CCDC73: variants seen among roughly 807,000 people sequenced by gnomAD.
CCDC73 encodes the protein coiled-coil domain containing 73, also known as coiled-coil domain-containing protein 73.
A neutral mutation model predicts 116.5 loss-of-function variants in CCDC73; 95 were observed. The ratio of observed to expected loss-of-function variants is 0.82; its 90% confidence interval spans 0.69 to 0.97. The LOEUF is 0.97. Ranked by LOEUF, CCDC73 falls within the 50% of genes least tolerant of loss-of-function variation. The probability of loss-of-function intolerance (pLI) is 0.00; values close to 1 mark genes in which losing one functional copy is unlikely to be tolerated. For synonymous variants in CCDC73, 398 were observed against 401.3 expected (o/e 0.99, Z 0.10); for missense variants, 1,066 against 1,206.8 (o/e 0.88, Z 1.73).
At chr11:32,827,390 C>G in the CCDC73 span, among the ~76,000 whole-genome samples, 1 of 152,152 alleles carries the variant, frequency 6.6e-6, no homozygotes, top group Non-Finnish European at 1.5e-5. Flanking sequence ...GGGAAACACA[C>G]AGGGATGTAA....
At chr11:32,643,287 A>T (rs115492863) in intron 12 of CCDC73, among the ~76,000 whole-genome samples, 2,267 of 152,182 alleles carry the variant, frequency 0.015, 60 homozygotes, top group African/African-American at 0.051. Context: ...TACCCAGTGA[A>T]TATCTATTTT....
intron 9 of CCDC73, among the ~76,000 whole-genome samples, chr11:32,665,382 T>C (rs919889359): frequency 2.6e-5 from 4 of 152,224 alleles, no homozygotes; most frequent in African/African-American, 9.6e-5. Context: ...TTAGCTCTTC[T>C]TGTTGAATTG....
At chr11:32,670,691 CTCT>C (rs1375168452) in intron 9 of CCDC73, among the ~76,000 whole-genome samples, 1 of 151,942 alleles carries the variant, frequency 6.6e-6, no homozygotes, top group African/African-American at 2.4e-5. Context: ...AAGTTTTTTC[CTCT>C]TCAAGATTAC....
intron 9 of CCDC73, among the ~76,000 whole-genome samples, chr11:32,668,543 CAA>C (rs5790892): frequency 3.3e-5 from 5 of 151,108 alleles, no homozygotes; most frequent in Non-Finnish European, 4.4e-5. Flanking sequence ...AAGTAAATGG[CAA>C]AAAAAAATAC....
chr11:32,741,886 C>A (rs1376867611), intron 2 of CCDC73, among the ~76,000 whole-genome samples: 1 of 151,632 alleles, frequency 6.6e-6, no homozygotes, highest in East Asian at 1.9e-4. Flanking sequence ...TCTACCCCCA[C>A]TTATGAGTGA....
chr11:32,737,789 T>C (rs569112689), intron 2 of CCDC73, among the ~76,000 whole-genome samples: 203 of 151,046 alleles, frequency 1.3e-3, no homozygotes, highest in Middle Eastern at 3.4e-3. Flanking sequence ...TCTTATTCAG[T>C]CTTATTTTTT....
intron 17 of CCDC73, among the ~76,000 whole-genome samples, chr11:32,608,694 T>C (rs1855385344): frequency 1.3e-5 from 2 of 152,214 alleles, no homozygotes; most frequent in Admixed American, 1.3e-4. Flanking sequence ...CACATTTCTC[T>C]TCCACATTGC....
chr11:32,632,928 TAGAAGAAA>T (rs1306593490), intron 14 of CCDC73, among the ~76,000 whole-genome samples: 1 of 152,136 alleles, frequency 6.6e-6, no homozygotes, highest in East Asian at 1.9e-4. Context: ...CTTAAGCAGC[TAGAAGAAA>T]ACCAAATTAA....
At chr11:32,787,829 T>C (rs148376831) in intron 1 of CCDC73, among the ~76,000 whole-genome samples, 1 of 152,292 alleles carries the variant, frequency 6.6e-6, no homozygotes, top group East Asian at 1.9e-4. Context: ...ACATGAATTA[T>C]ATGATCTGGG....
At chr11:32,632,610 G>T (rs1364552475) in intron 14 of CCDC73, among the ~76,000 whole-genome samples, 1 of 152,084 alleles carries the variant, frequency 6.6e-6, no homozygotes, top group Non-Finnish European at 1.5e-5. Flanking sequence ...GATTGTGTGT[G>T]TGTGTGTGTA....
intron 2 of CCDC73, chr11:32,758,688 GA>G (rs1470277403): frequency 4.4e-6 from 1 of 225,840 alleles, no homozygotes; most frequent in Non-Finnish European, 9.1e-6. Flanking sequence ...AAATTTTTCA[GA>G]AAATTTTTAA....
chr11:32,667,864 G>T (rs1856001009), intron 9 of CCDC73, among the ~76,000 whole-genome samples: 1 of 152,140 alleles, frequency 6.6e-6, no homozygotes, highest in Non-Finnish European at 1.5e-5. Context: ...ATACAGGAGA[G>T]AAAAAACTTA....
intron 7 of CCDC73, among the ~76,000 whole-genome samples, chr11:32,676,322 C>T (rs1029843553): frequency 6.6e-6 from 1 of 152,090 alleles, no homozygotes; most frequent in Non-Finnish European, 1.5e-5. Context: ...GTTAATCAGC[C>T]TAACACTAAG....
rs1856079882 is a variant in CCDC73 at position 32,675,618 on chromosome 11, TTTTG to T, written c.588_591del (p.Asn196LysfsTer6). The T allele has an allele frequency of 6.3e-7, 1 of 1,593,556 alleles. No homozygotes were observed. Among genetic ancestry groups the T allele is most frequent in the South Asian group, 1.2e-5 (1 of 86,780 alleles). ...TGTTTTTTATTTAAAGCTGAAAGTC[TTTTG>T]TTTGATTGTATTGCTTCCCGTACTG... is the stretch of plus-strand genomic sequence containing the variant. On this transcript the variant is annotated frameshift_variant, in exon 9 of 18. Transcript: ENST00000335185. LOFTEE classifies it high-confidence loss of function.
chr11:32,712,133 C>T (rs935590268), intron 3 of CCDC73, among the ~76,000 whole-genome samples: 1 of 152,150 alleles, frequency 6.6e-6, no homozygotes, highest in Non-Finnish European at 1.5e-5. Flanking sequence ...CACATTTCCA[C>T]CCAGTGCTAT....
chr11:32,666,727 G>A (rs758647328), intron 9 of CCDC73, among the ~76,000 whole-genome samples: 7 of 152,244 alleles, frequency 4.6e-5, no homozygotes, highest in Non-Finnish European at 8.8e-5. Context: ...TGGAGGGGGA[G>A]AGGTACTCTG....
Position 32,653,995 on chromosome 11 carries a change from T to C in CCDC73, c.817A>G (p.Ile273Val). The C allele has an allele frequency of 6.2e-7, 1 of 1,600,572 alleles. No homozygotes were observed. The highest frequency in any genetic ancestry group is 1.1e-5 in the South Asian group (1 of 89,304). ...NEKINEEITH[I>V]QEEKQDIIIS... ...TTGCTTACCTGTTTTTCTTCTTGAA[T>C]ATGGGTAATCTCTTCATTAATCTTC... Residue 273 changes from isoleucine (I) to valine (V), a missense_variant, in exon 11 of 18, where the codon ATT becomes GTT. Transcript: ENST00000335185.
At chr11:32,744,985 A>C (rs1453634324) in intron 2 of CCDC73, among the ~76,000 whole-genome samples, 1 of 151,906 alleles carries the variant, frequency 6.6e-6, no homozygotes, top group African/African-American at 2.4e-5. Flanking sequence ...TAGTTCTTTT[A>C]ATTGTGATGT....
intron 7 of CCDC73, among the ~76,000 whole-genome samples, chr11:32,676,744 G>A (rs898337366): frequency 2.0e-5 from 3 of 152,170 alleles, no homozygotes; most frequent in African/African-American, 7.2e-5. Context: ...ATGCTCAGCC[G>A]CTGAACTCCA....
Sources: allele counts gnomAD v4.1 joint callset (sites outside exome capture counted in the v4.1 genomes callset), GRCh38; gene constraint gnomAD v4.1.1; transcripts MANE v1.5; gene names NCBI Gene and HGNC (gene_info 2026-07-23, HGNC 2026-07-21).